Variants in RBFOX1 observed in about 807,000 individuals in gnomAD.
RBFOX1 encodes RNA binding protein fox-1 homolog 1.
A neutral mutation model predicts 57.7 loss-of-function variants in RBFOX1; 8 were observed. The observed-to-expected ratio is 0.14, with a 90% confidence interval of 0.08 to 0.25. RBFOX1 has a LOEUF of 0.25. Among genes scored for constraint, RBFOX1 ranks in the 10% least tolerant of loss-of-function variants. The pLI is 1.00. For missense variants in RBFOX1, 611 were observed against 548.5 expected, an observed-to-expected ratio of 1.11 and a Z score of -1.14; for synonymous variants, 326 against 222.4, an observed-to-expected ratio of 1.47 and a Z score of -4.15.
chr16:6,164,400 T>A (rs948477355), intron 1 of RBFOX1, among the ~76,000 whole-genome samples: 3 of 152,080 alleles, frequency 2.0e-5, no homozygotes, highest in Non-Finnish European at 4.4e-5. Context: ...AATCTTGCAT[T>A]TCCAAAATAT....
At chr16:6,614,373 C>G (rs1332338415) in intron 2 of RBFOX1, among the ~76,000 whole-genome samples, 1 of 152,088 alleles carries the variant, frequency 6.6e-6, no homozygotes, top group Non-Finnish European at 1.5e-5. Context: ...CCTGATTTTT[C>G]TTTTAGAAAG....
Position 7,248,097 on chromosome 16 carries a change from T to C in RBFOX1, c.27+195999T>C, listed in dbSNP as rs111988934. 4.6e-3 allele frequency among the ~76,000 whole-genome samples: 705 copies of C among 152,290 alleles called. 1 individual carries two copies. The highest frequency in any genetic ancestry group is 8.2e-3 in the Non-Finnish European group (559 of 68,022). On this transcript the variant is annotated intron_variant, in intron 4 of 15. Transcript: ENST00000550418. ...TTCTGGAAGGAAGAATAACCGCTGA[T>C]TTTAGGAAGAACTGTGAATGAAGGC...
At chr16:5,928,881 G>T (rs904432349) in intron 4 of RBFOX1, among the ~76,000 whole-genome samples, 30 of 152,034 alleles carry the variant, frequency 2.0e-4, no homozygotes, top group African/African-American at 6.8e-4. Flanking sequence ...AACAGCCTCT[G>T]TGACAGCCCA....
chr16:7,343,903 C>T (rs2096943824), intron 4 of RBFOX1, among the ~76,000 whole-genome samples: 1 of 152,136 alleles, frequency 6.6e-6, no homozygotes. Context: ...AATATAGCAC[C>T]TGGCACATAG....
intron 1 of RBFOX1, among the ~76,000 whole-genome samples, chr16:6,177,157 A>C (rs2097017780): frequency 2.6e-5 from 4 of 151,626 alleles, no homozygotes; most frequent in Admixed American, 6.6e-5. Context: ...TAATTATGGA[A>C]GTAGACAACC....
At chr16:6,942,899 G>A (rs1445905067) in intron 3 of RBFOX1, among the ~76,000 whole-genome samples, 5 of 152,206 alleles carry the variant, frequency 3.3e-5, no homozygotes, top group East Asian at 1.9e-4. Flanking sequence ...AGTATACAAA[G>A]TACACAGTTG....
intron 3 of RBFOX1, among the ~76,000 whole-genome samples, chr16:5,826,467 G>A (rs2056059496): frequency 6.6e-6 from 1 of 152,186 alleles, no homozygotes; most frequent in Admixed American, 6.5e-5. Flanking sequence ...ATATATTTTG[G>A]TGTTGTGACC....
chr16:6,982,175 C>T (rs904915429), intron 3 of RBFOX1, among the ~76,000 whole-genome samples: 1 of 152,176 alleles, frequency 6.6e-6, no homozygotes, highest in African/African-American at 2.4e-5. Flanking sequence ...TGTGTATTCT[C>T]TGGCATCCAA....
intron 3 of RBFOX1, among the ~76,000 whole-genome samples, chr16:6,876,913 A>G (rs1271289261): frequency 6.6e-6 from 1 of 152,222 alleles, no homozygotes; most frequent in Non-Finnish European, 1.5e-5. Flanking sequence ...AGTACTGGGT[A>G]CACTATTCTG....
intron 3 of RBFOX1, among the ~76,000 whole-genome samples, chr16:5,736,076 T>C (rs2052559257): frequency 1.3e-5 from 2 of 152,070 alleles, no homozygotes; most frequent in African/African-American, 4.8e-5. Context: ...GATTTGGACG[T>C]CCATGACTCA....
At chr16:6,252,501 T>C (rs2097624578) in intron 1 of RBFOX1, among the ~76,000 whole-genome samples, 1 of 151,850 alleles carries the variant, frequency 6.6e-6, no homozygotes, top group Non-Finnish European at 1.5e-5. Flanking sequence ...TGTTCAGTTC[T>C]GTAATTGAGT....
At chr16:5,332,997 C>A (rs375157960) in intron 1 of RBFOX1, among the ~76,000 whole-genome samples, 1 of 152,102 alleles carries the variant, frequency 6.6e-6, no homozygotes, top group South Asian at 2.1e-4. Context: ...ACCAGCCTGA[C>A]CAATGTGGTG....
chr16:6,180,667 G>A (rs550365429), intron 1 of RBFOX1, among the ~76,000 whole-genome samples: 23 of 152,150 alleles, frequency 1.5e-4, no homozygotes, highest in African/African-American at 5.3e-4. Flanking sequence ...CTGGGTTCAA[G>A]TGATTCTCCT....
At chr16:6,594,483 C>T (rs2097757616) in intron 2 of RBFOX1, among the ~76,000 whole-genome samples, 1 of 152,138 alleles carries the variant, frequency 6.6e-6, no homozygotes, top group South Asian at 2.1e-4. Context: ...GGTGAAGAGG[C>T]TGCCCAGCTC....
intron 4 of RBFOX1, among the ~76,000 whole-genome samples, chr16:7,217,231 A>G (rs2092255771): frequency 6.7e-6 from 1 of 149,674 alleles, no homozygotes; most frequent in Admixed American, 6.7e-5. Context: ...CAGCAGGAGT[A>G]GCTGGGACTA....
chr16:5,897,281 C>T lies in RBFOX1; in HGVS notation c.351+29946C>T, dbSNP rs1004968128. Among the ~76,000 whole-genome samples, 11 of 152,010 alleles carry T rather than the reference C, an allele frequency of 7.2e-5. No homozygotes were observed. In the East Asian group the frequency reaches 7.8e-4, roughly 11 times the overall value. ...CGATCTCCTGACCTCATGATCCACC[C>T]GCCTCGGCCTCCCAAAGTGCTGGGA... On this transcript the variant is annotated intron_variant, in intron 4 of 19. Transcript: ENST00000641259.
chr16:5,663,606 C>G, intron 3 of RBFOX1, among the ~76,000 whole-genome samples: 1 of 152,172 alleles, frequency 6.6e-6, no homozygotes, highest in Admixed American at 6.5e-5. Flanking sequence ...CTGCATCATT[C>G]AAAGCTGGTT....
chr16:6,268,180 C>T (rs1278445213), intron 1 of RBFOX1, among the ~76,000 whole-genome samples: 1 of 152,136 alleles, frequency 6.6e-6, no homozygotes, highest in Non-Finnish European at 1.5e-5. Flanking sequence ...GAACGTTATG[C>T]CTTTTGTGAC....
At chr16:7,450,357 G>C (rs2098842111) in intron 4 of RBFOX1, among the ~76,000 whole-genome samples, 1 of 120,752 alleles carries the variant, frequency 8.3e-6, no homozygotes, top group Admixed American at 1.2e-4. Context: ...TCGCGCCATT[G>C]CACTCCAGCC....
Sources: gnomAD v4.1 joint callset for allele counts (sites outside exome capture counted in the v4.1 genomes callset) on GRCh38, gnomAD v4.1.1 for gene constraint, MANE v1.5 for transcripts, NCBI Gene and HGNC (gene_info 2026-07-23, HGNC 2026-07-21) for gene names.